CAAP1: variants seen among roughly 807,000 people sequenced by gnomAD.
CAAP1 encodes the protein conserved anti-apoptotic protein.
CAAP1 carries 20 observed loss-of-function variants against 34.0 expected under a neutral mutation model. That is an observed-to-expected ratio of 0.59 (90% CI 0.41 to 0.86). The LOEUF (loss-of-function observed/expected upper bound fraction) is 0.86. Among genes scored for constraint, CAAP1 ranks in the 40% least tolerant of loss-of-function variants. The pLI is 0.00. For missense variants in CAAP1, 538 were observed against 450.5 expected (o/e 1.19, Z -1.76); for synonymous variants, 213 against 166.7 (o/e 1.28, Z -2.14).
chr9:26,874,734 C>T (rs889789730), intron 4 of CAAP1, among the ~76,000 whole-genome samples: 3 of 152,120 alleles, frequency 2.0e-5, no homozygotes, highest in South Asian at 2.1e-4. Flanking sequence ...CTTATGACTA[C>T]TGCTTTCTTG....
At position 26,843,647 on chromosome 9, in the gene CAAP1, A is replaced by C. The variant is rs139808140; in HGVS notation, c.740-1000T>G. On this transcript the variant is annotated intron_variant, in intron 5 of 5. Transcript: ENST00000333916. ...CAAAATGTTAGCTTTCCCTAATATAAGAAAGCTTTGATAGCGCTTTCCTTA... is the reference window on the plus strand; with the variant it reads ...CAAAATGTTAGCTTTCCCTAATATACGAAAGCTTTGATAGCGCTTTCCTTA... Among the ~76,000 whole-genome samples, 472 of 152,252 alleles carry C rather than the reference A, an allele frequency of 3.1e-3. 2 individuals are homozygous for C. Among genetic ancestry groups the C allele is most frequent in the Non-Finnish European group, 5.0e-3 (339 of 68,020 alleles).
At chr9:26,892,181 A>C in intron 1 of CAAP1, 2 of 1,235,388 alleles carry the variant, frequency 1.6e-6, no homozygotes, top group Non-Finnish European at 2.2e-6. Context: ...TTAAAAAATA[A>C]ATTAAAAAAA....
chr9:26,874,843 T>C (rs1409812892), intron 4 of CAAP1, among the ~76,000 whole-genome samples: 1 of 152,058 alleles, frequency 6.6e-6, no homozygotes, highest in African/African-American at 2.4e-5. Flanking sequence ...AAAAAAACAA[T>C]ACATTTGTAA....
At position 26,883,473 on chromosome 9, in the gene CAAP1, A is replaced by T. The variant is rs184064609; in HGVS notation, c.665+1337T>A. Among the ~76,000 whole-genome samples, 361 of 152,312 alleles carry T rather than the reference A, an allele frequency of 2.4e-3. 1 individual carries two copies. The highest frequency in any genetic ancestry group is 4.0e-3 in the Non-Finnish European group (270 of 68,022). ...CCTTATAAATTACCCAGTCTTGGGT[A>T]TGTCTTTATCAGCAACATGAAAACA... On this transcript the variant is annotated intron_variant, in intron 4 of 5. Transcript: ENST00000333916.
chr9:26,848,257 G>C (rs1369513033), intron 5 of CAAP1, among the ~76,000 whole-genome samples: 1 of 152,164 alleles, frequency 6.6e-6, no homozygotes, highest in East Asian at 1.9e-4. Flanking sequence ...GTTCATGCCT[G>C]TAACCCAGCA....
chr9:26,878,292 T>C (rs1207148480), intron 4 of CAAP1, among the ~76,000 whole-genome samples: 14 of 152,220 alleles, frequency 9.2e-5, no homozygotes, highest in Non-Finnish European at 2.9e-5. Context: ...TCTCTCTAGA[T>C]ATCAAGATCC....
At chr9:26,872,480 A>G (rs1423604554) in intron 4 of CAAP1, among the ~76,000 whole-genome samples, 2 of 151,698 alleles carry the variant, frequency 1.3e-5, no homozygotes, top group Admixed American at 6.6e-5. Flanking sequence ...TGCAAACAAA[A>G]GCACTCATAT....
chr9:26,851,815 T>C (rs1409822277), intron 5 of CAAP1, among the ~76,000 whole-genome samples: 3 of 152,112 alleles, frequency 2.0e-5, no homozygotes, highest in Non-Finnish European at 4.4e-5. Flanking sequence ...CCCCTCAAGA[T>C]TTCTTGGAAC....
At chr9:26,872,108 AC>A (rs1390720683) in intron 4 of CAAP1, among the ~76,000 whole-genome samples, 1 of 152,172 alleles carries the variant, frequency 6.6e-6, no homozygotes, top group Non-Finnish European at 1.5e-5. Flanking sequence ...GAGTGGTTAT[AC>A]AGGTAACTCT....
chr9:26,869,998 G>T, intron 4 of CAAP1: 1 of 902,728 alleles, frequency 1.1e-6, no homozygotes, highest in Non-Finnish European at 1.3e-6. Context: ...AATGACAATA[G>T]ATACAGTTTA....
At chr9:26,855,462 C>A (rs148276110) in intron 5 of CAAP1, among the ~76,000 whole-genome samples, 1 of 152,180 alleles carries the variant, frequency 6.6e-6, no homozygotes, top group Admixed American at 6.5e-5. Context: ...AAAGGTTAAG[C>A]CCTAATCATA....
chr9:26,878,571 T>C (rs982196937), intron 4 of CAAP1, among the ~76,000 whole-genome samples: 2 of 152,202 alleles, frequency 1.3e-5, no homozygotes, highest in Non-Finnish European at 2.9e-5. Context: ...ACCAGGCATA[T>C]TCACACAAGA....
At chr9:26,859,670 T>C (rs540053326) in intron 5 of CAAP1, among the ~76,000 whole-genome samples, 3 of 152,304 alleles carry the variant, frequency 2.0e-5, no homozygotes, top group African/African-American at 7.2e-5. Context: ...ATAATATGTG[T>C]TTAGCATGTA....
intron 5 of CAAP1, among the ~76,000 whole-genome samples, chr9:26,852,682 T>C (rs1822780202): frequency 1.3e-5 from 2 of 152,132 alleles, no homozygotes; most frequent in African/African-American, 4.8e-5. Flanking sequence ...AGTAGACATG[T>C]GATAGATCAA....
chr9:26,891,301 C>CAA (rs113015147), intron 1 of CAAP1, among the ~76,000 whole-genome samples: 6,431 of 152,172 alleles, frequency 0.042, 461 homozygotes, highest in African/African-American at 0.15. Context: ...TTAAAACAAA[C>CAA]TATTAATTTG....
intron 4 of CAAP1, among the ~76,000 whole-genome samples, chr9:26,875,777 T>C (rs897474701): frequency 6.6e-6 from 1 of 152,154 alleles, no homozygotes; most frequent in African/African-American, 2.4e-5. Context: ...CCCAGGAAAG[T>C]TGCTTGATCT....
Position 26,884,854 on chromosome 9 carries a change from C to G in CAAP1, c.621G>C (p.Glu207Asp). 1 of 1,609,576 alleles carries G rather than the reference C, an allele frequency of 6.2e-7. No homozygotes were observed. The highest frequency in any genetic ancestry group is 1.3e-5 in the African/African-American group (1 of 75,006). Residue 207 changes from glutamate (E) to aspartate (D), a missense_variant, in exon 4 of 6, where the codon GAG (glutamate) becomes GAC (aspartate). By Grantham distance (45) the Glu-to-Asp change is conservative. Coordinates refer to ENST00000333916, the MANE Select transcript of CAAP1 (RefSeq NM_024828.4). ...GDNGMDSDME[E>D]EADDGSKMGS... ...CCATCTTAGAACCATCATCTGCTTC[C>G]TCTTCCATATCAGAGTCCATTCCAT...
chr9:26,865,115 G>A (rs1229657630), intron 4 of CAAP1, among the ~76,000 whole-genome samples: 3 of 152,044 alleles, frequency 2.0e-5, no homozygotes, highest in Admixed American at 2.0e-4. Context: ...TCAACTGTGA[G>A]AAAAATCCTT....
intron 1 of CAAP1, among the ~76,000 whole-genome samples, chr9:26,890,973 C>A (rs1027179864): frequency 6.6e-6 from 1 of 152,046 alleles, no homozygotes; most frequent in Non-Finnish European, 1.5e-5. Context: ...GAAACACATA[C>A]ATGAAAGTAA....
Sources: gnomAD v4.1 joint callset for allele counts (sites outside exome capture counted in the v4.1 genomes callset) on GRCh38, gnomAD v4.1.1 for gene constraint, MANE v1.5 for transcripts, NCBI Gene and HGNC (gene_info 2026-07-23, HGNC 2026-07-21) for gene names.